AIG1: variants seen among roughly 807,000 people sequenced by gnomAD.
AIG1 encodes androgen induced 1.
AIG1 carries 23 observed loss-of-function variants against 31.4 expected under a neutral mutation model. The observed-to-expected ratio is 0.73, with a 90% CI of 0.53 to 1.04. AIG1 has a LOEUF of 1.04. AIG1 is among the 50% of genes least tolerant of loss of function. AIG1 has a pLI of 0.00. For missense variants in AIG1, 274 were observed against 295.0 expected (o/e 0.93, Z 0.52); for synonymous variants, 100 against 110.5 (o/e 0.90, Z 0.60).
intron 3 of AIG1, among the ~76,000 whole-genome samples, chr6:143,278,847 A>G (rs1308234249): frequency 6.6e-6 from 1 of 152,140 alleles, no homozygotes; most frequent in African/African-American, 2.4e-5. Context: ...CCTCAAAATA[A>G]TCTAATAAGA....
chr6:143,193,058 G>A (rs1393533028), intron 3 of AIG1, among the ~76,000 whole-genome samples: 2 of 152,220 alleles, frequency 1.3e-5, no homozygotes, highest in Non-Finnish European at 2.9e-5. Flanking sequence ...AAGAGCCTGA[G>A]TTCAAATCAA....
intron 2 of AIG1, among the ~76,000 whole-genome samples, chr6:143,159,671 C>T (rs75818420): frequency 5.1e-4 from 77 of 152,112 alleles, no homozygotes; most frequent in Non-Finnish European, 1.5e-4. Flanking sequence ...CTTCACTATG[C>T]GTTTCTGAAT....
rs1055437490 is a variant in AIG1 at position 143,230,206 on chromosome 6, C to T, written c.400-53904C>T. Among the ~76,000 whole-genome samples, 5 of 152,038 alleles carry T rather than the reference C, an allele frequency of 3.3e-5. No individual in the cohort carries two copies. The East Asian group carries it at 9.6e-4, about 29-fold the overall frequency. ...GGAAGGTATGATATTGCTATTGATA[C>T]ATGAAATGATTTTAGGGGCATAGTG... On this transcript the variant is annotated intron_variant, in intron 3 of 5. Coordinates refer to ENST00000357847, the MANE Select transcript of AIG1 (RefSeq NM_016108.4).
intron 3 of AIG1, among the ~76,000 whole-genome samples, chr6:143,211,628 C>T (rs1034751903): frequency 6.6e-6 from 1 of 152,162 alleles, no homozygotes; most frequent in Non-Finnish European, 1.5e-5. Flanking sequence ...TGTGGTGGCT[C>T]ATGCCTGTAA....
chr6:143,331,351 C>T lies in AIG1; in HGVS notation c.516-1931C>T, dbSNP rs1254855968. 6.6e-6 allele frequency among the ~76,000 whole-genome samples: 1 copy of T among 152,092 alleles called. No homozygotes were observed. The highest frequency in any genetic ancestry group is 1.5e-5 in the Non-Finnish European group (1 of 68,026). ...ACTCTGTTCCCGTTAAACAATAACTCCCTATTCTCCACTCCCCCGAGTCCC... is the reference window on the plus strand; with the variant it reads ...ACTCTGTTCCCGTTAAACAATAACTTCCTATTCTCCACTCCCCCGAGTCCC... On this transcript the variant is annotated intron_variant, in intron 4 of 5. Coordinates refer to ENST00000357847, the MANE Select transcript of AIG1 (RefSeq NM_016108.4). The surrounding 1 kb of genome is among the most constrained non-coding windows in gnomAD (Gnocchi z 4.1).
At chr6:143,148,287 G>T (rs2128541794) in intron 2 of AIG1, among the ~76,000 whole-genome samples, 1 of 145,634 alleles carries the variant, frequency 6.9e-6, no homozygotes, top group South Asian at 2.2e-4. Flanking sequence ...GATCACTAGA[G>T]CCCAGGAGTT....
chr6:143,335,321 CAA>C (rs1777393271), intron 5 of AIG1: 1 of 329,408 alleles, frequency 3.0e-6, no homozygotes, highest in African/African-American at 2.1e-5. Context: ...ATCACGAGGT[CAA>C]GAGATGGAGA....
chr6:143,062,970 A>G (rs1432632361), intron 1 of AIG1, among the ~76,000 whole-genome samples: 1 of 152,168 alleles, frequency 6.6e-6, no homozygotes, highest in Non-Finnish European at 1.5e-5. Context: ...CCTCAGCATC[A>G]CTCTTGCAGT....
chr6:143,303,786 G>A (rs1799024292), intron 4 of AIG1, among the ~76,000 whole-genome samples: 1 of 145,286 alleles, frequency 6.9e-6, no homozygotes, highest in Admixed American at 6.9e-5. Context: ...GCTTGATGGG[G>A]ATGGCATTGA....
chr6:143,082,277 G>A (rs546073941), intron 1 of AIG1, among the ~76,000 whole-genome samples: 19 of 152,264 alleles, frequency 1.2e-4, no homozygotes, highest in Admixed American at 5.2e-4. Flanking sequence ...TGCGTAAGCC[G>A]CCTTTCGAAG....
intron 1 of AIG1, among the ~76,000 whole-genome samples, chr6:143,108,718 GA>G (rs1247292162): frequency 6.6e-6 from 1 of 152,106 alleles, no homozygotes; most frequent in African/African-American, 2.4e-5. Context: ...AAAACCCCTG[GA>G]CTATGGGTGT....
chr6:143,151,124 G>A (rs1785187740), intron 2 of AIG1, among the ~76,000 whole-genome samples: 1 of 151,970 alleles, frequency 6.6e-6, no homozygotes, highest in Non-Finnish European at 1.5e-5. Context: ...TATTTATACA[G>A]CATAGATCAT....
intron 1 of AIG1, among the ~76,000 whole-genome samples, chr6:143,101,423 G>A (rs1276982212): frequency 6.6e-6 from 1 of 152,184 alleles, no homozygotes; most frequent in South Asian, 2.1e-4. Context: ...TTGGTTGGGG[G>A]AAAGAGGGAT....
chr6:143,097,182 T>A (rs1303076282), intron 1 of AIG1, among the ~76,000 whole-genome samples: 1 of 151,862 alleles, frequency 6.6e-6, no homozygotes, highest in Non-Finnish European at 1.5e-5. Context: ...CCTAAGAGAA[T>A]GCCTATCAGA....
intron 3 of AIG1, among the ~76,000 whole-genome samples, chr6:143,216,741 A>T (rs964745420): frequency 1.3e-5 from 2 of 152,194 alleles, no homozygotes; most frequent in African/African-American, 4.8e-5. Flanking sequence ...GAGAGAGATT[A>T]TGTGGCTGCG....
At chr6:143,307,198 G>T (rs1402217518) in intron 4 of AIG1, among the ~76,000 whole-genome samples, 1 of 152,172 alleles carries the variant, frequency 6.6e-6, no homozygotes, top group Non-Finnish European at 1.5e-5. Flanking sequence ...TCTTCTCTCA[G>T]CTCGTCAAAG....
At chr6:143,195,954 GAAGC>G (rs1790189820) in intron 3 of AIG1, among the ~76,000 whole-genome samples, 1 of 152,220 alleles carries the variant, frequency 6.6e-6, no homozygotes, top group Non-Finnish European at 1.5e-5. Flanking sequence ...ACTTGATCCC[GAAGC>G]AAGGGCAGAT....
intron 3 of AIG1, chr6:143,188,835 T>G: frequency 1.0e-6 from 1 of 985,234 alleles, no homozygotes; most frequent in Non-Finnish European, 1.2e-6. Flanking sequence ...GAACATTCCT[T>G]TTTACACTGC....
intron 3 of AIG1, among the ~76,000 whole-genome samples, chr6:143,249,131 T>G (rs922129267): frequency 6.6e-6 from 1 of 152,156 alleles, no homozygotes; most frequent in Non-Finnish European, 1.5e-5. Flanking sequence ...TACATTGCAG[T>G]TTTTACAGTG....
Sources: gnomAD v4.1 joint callset for allele counts (sites outside exome capture counted in the v4.1 genomes callset) on GRCh38, gnomAD v4.1.1 for gene constraint, Gnocchi (gnomAD v3.1) non-coding constraint, MANE v1.5 for transcripts, NCBI Gene and HGNC (gene_info 2026-07-23, HGNC 2026-07-21) for gene names.